Variants in CACNG1 observed in about 807,000 individuals in gnomAD.
CACNG1 encodes the protein calcium voltage-gated channel auxiliary subunit gamma 1.
A neutral mutation model predicts 22.0 loss-of-function variants in CACNG1; 21 were observed. The ratio of observed to expected loss-of-function variants is 0.95; its 90% confidence interval spans 0.68 to 1.37. CACNG1 has a LOEUF of 1.37. Ranked by LOEUF, CACNG1 falls within the 40% of genes most tolerant of loss-of-function variation. The pLI is 0.00. For missense variants in CACNG1, 291 were observed against 308.6 expected (o/e 0.94, Z 0.43); for synonymous variants, 127 against 129.2 (o/e 0.98, Z 0.12).
intron 1 of CACNG1, among the ~76,000 whole-genome samples, chr17:67,046,500 A>G (rs9903282): frequency 0.034 from 5,130 of 152,162 alleles, 154 homozygotes; most frequent in African/African-American, 0.079. Flanking sequence ...CAGAAGACTC[A>G]TAAGTGCCCA....
chr17:67,052,533 T>C (rs11079678), intron 1 of CACNG1, among the ~76,000 whole-genome samples: 41,145 of 152,090 alleles, frequency 0.27, 7,149 homozygotes, highest in East Asian at 0.65. Flanking sequence ...CTTATGAGCA[T>C]CTAAATGAAG....
At position 67,054,264 on chromosome 17, in the gene CACNG1, C is replaced by A. The variant is rs1298088223; in HGVS notation, c.304+194C>A. Among the ~76,000 whole-genome samples, 1 of 152,230 alleles carries A rather than the reference C, an allele frequency of 6.6e-6. No homozygotes were observed. The highest frequency in any genetic ancestry group is 2.4e-5 in the African/African-American group (1 of 41,466). On this transcript the variant is annotated intron_variant, in intron 2 of 3. Coordinates refer to ENST00000226021, the MANE Select transcript of CACNG1 (RefSeq NM_000727.4). The surrounding 1 kb of genome is among the most constrained non-coding windows in gnomAD (Gnocchi z 4.6). Reference sequence around the variant, plus strand: ...AGGCAGCCGCCTTCCATCTCCAGGGCCCGGAGCTTCCACACCTCGGGGCCA... The same window carrying A: ...AGGCAGCCGCCTTCCATCTCCAGGGACCGGAGCTTCCACACCTCGGGGCCA...
intron 1 of CACNG1, among the ~76,000 whole-genome samples, chr17:67,053,744 G>A (rs540285471): frequency 6.6e-6 from 1 of 152,220 alleles, no homozygotes; most frequent in African/African-American, 2.4e-5. Flanking sequence ...CCCACAGGCC[G>A]TCTGCCCTGC....
intron 1 of CACNG1, among the ~76,000 whole-genome samples, chr17:67,046,315 C>G (rs751322472): frequency 2.0e-5 from 3 of 152,202 alleles, no homozygotes; most frequent in Non-Finnish European, 4.4e-5. Flanking sequence ...TTTTATCAGA[C>G]TAGGTGTTCC....
In CACNG1 at chr17:67,055,391, C is replaced by T. The variant is rs78733538; in HGVS notation, c.442+151C>T. ...GGGGCAAACCTGGCCAGGCCATCAGCGACTCCAGGTGGGTTGGAGGGAGAC... is the reference window on the plus strand; with the variant it reads ...GGGGCAAACCTGGCCAGGCCATCAGTGACTCCAGGTGGGTTGGAGGGAGAC... On this transcript the variant is annotated intron_variant, in intron 3 of 3. Coordinates refer to ENST00000226021, the MANE Select transcript of CACNG1 (RefSeq NM_000727.4). This position sits in a 1 kb window ranked among gnomAD's most constrained non-coding sequence, Gnocchi z 4.5. 911 of 866,628 alleles carry T rather than the reference C, an allele frequency of 1.1e-3. 12 individuals are homozygous for T. In the African/African-American group the frequency reaches 0.014, roughly 13 times the overall value. The allele number at this position is 866,628 out of a possible 1,614,324, so 53.7% of individuals were successfully genotyped here.
rs2035762934 is a variant in CACNG1, at chr17:67,056,447, C to A, written c.*176C>A. Reference sequence around the variant, plus strand: ...AGTTCCTCTGGGCTGCCGCAGGCTCCCCTGGGAATAGAGCAAGACGTGAGT... The same window carrying A: ...AGTTCCTCTGGGCTGCCGCAGGCTCACCTGGGAATAGAGCAAGACGTGAGT... On this transcript the variant is annotated 3_prime_UTR_variant, in exon 4 of 4. Transcript: ENST00000226021. The surrounding 1 kb of genome is among the most constrained non-coding windows in gnomAD (Gnocchi z 4.3). 3.2e-6 allele frequency: 2 copies of A among 615,910 alleles called. No homozygotes were observed. The highest frequency in any genetic ancestry group is 5.7e-6 in the Non-Finnish European group (2 of 350,784). 38.2% of individuals were successfully genotyped at this position (615,910 alleles called of 1,614,324 possible).
rs775696968 is a variant in CACNG1 at position 67,055,777 on chromosome 17, C to T, written c.443-268C>T. ...CTGGTCTCAAACTCCTGGCCTCAAG[C>T]GATCCTCCTGCCTCAGCCTCCCAAA... On this transcript the variant is annotated intron_variant, in intron 3 of 3. Coordinates refer to ENST00000226021, the MANE Select transcript of CACNG1 (RefSeq NM_000727.4). The surrounding 1 kb of genome is among the most constrained non-coding windows in gnomAD (Gnocchi z 4.5). 7.2e-4 allele frequency among the ~76,000 whole-genome samples: 110 copies of T among 151,980 alleles called. 1 individual carries two copies. Among genetic ancestry groups the T allele is most frequent in the Non-Finnish European group, 2.5e-4 (17 of 67,972 alleles).
intron 1 of CACNG1, among the ~76,000 whole-genome samples, chr17:67,050,459 G>A (rs773749093): frequency 6.6e-6 from 1 of 152,226 alleles, no homozygotes; most frequent in South Asian, 2.1e-4. Context: ...TTACCAAAAG[G>A]CTAAAAACAA....
rs545795746 is a variant in CACNG1 at position 67,044,949 on chromosome 17, G to T, written c.229+60G>T. ...CCTGCTCTTCCCCGTCATCCCCCTG[G>T]CAAAGTTGCCCTTGCGAAGGAAGGC... On this transcript the variant is annotated intron_variant, in intron 1 of 3. Transcript: ENST00000226021. The surrounding 1 kb of genome is among the most constrained non-coding windows in gnomAD (Gnocchi z 6.9). 2.6e-5 allele frequency: 37 copies of T among 1,427,894 alleles called. No individual in the cohort carries two copies. The South Asian group carries it at 4.3e-4, about 16-fold the overall frequency. The allele number at this position is 1,427,894 out of a possible 1,614,324, so 88.5% of individuals were successfully genotyped here.
rs901309888 is a variant in CACNG1 at position 67,054,670 on chromosome 17, AGACGCACAGAGACACT to A, written c.305-429_305-414del. Among the ~76,000 whole-genome samples the A allele has an allele frequency of 4.7e-5, 7 of 148,288 alleles. No homozygotes were observed. The highest frequency in any genetic ancestry group is 1.7e-4 in the African/African-American group (7 of 40,764). On this transcript the variant is annotated intron_variant, in intron 2 of 3. Coordinates refer to ENST00000226021, the MANE Select transcript of CACNG1 (RefSeq NM_000727.4). This position sits in a 1 kb window ranked among gnomAD's most constrained non-coding sequence, Gnocchi z 4.6. Reference sequence around the variant, plus strand: ...CACACACACGACACACACAAGACACAGACGCACAGAGACACTGACACACACGCATGATGACACACAA... The same window carrying A: ...CACACACACGACACACACAAGACACAGACACACACGCATGATGACACACAA...
rs80024812 is a variant in CACNG1, at chr17:67,048,326, C to CAA, written c.229+3446_229+3447dup. ...TCCCTACCAAAAAAAAAAAAAAAAA[C>CAA]AAAAAAAAAACCCCACAAAATATCC... is the stretch of plus-strand genomic sequence containing the variant. On this transcript the variant is annotated intron_variant, in intron 1 of 3. Transcript: ENST00000226021. Among the ~76,000 whole-genome samples the CAA allele has an allele frequency of 2.3e-5, 3 of 133,220 alleles. No individual in the cohort carries two copies. The South Asian group carries it at 6.9e-4, about 31-fold the overall frequency. 87.4% of individuals were successfully genotyped at this position (133,220 alleles called of 152,430 possible).
intron 1 of CACNG1, among the ~76,000 whole-genome samples, chr17:67,048,637 A>G (rs2035711411): frequency 6.6e-6 from 1 of 152,228 alleles, no homozygotes; most frequent in Admixed American, 6.5e-5. Flanking sequence ...TAAATCAGCT[A>G]TAGTAAATAT....
At position 67,054,973 on chromosome 17, in the gene CACNG1, C is replaced by T. The variant is rs1204282294; in HGVS notation, c.305-130C>T. 3.4e-6 allele frequency: 3 copies of T among 889,562 alleles called. No individual in the cohort carries two copies. The African/African-American group carries it at 5.3e-5, about 16-fold the overall frequency. 55.1% of individuals were successfully genotyped at this position (889,562 alleles called of 1,614,324 possible). On this transcript the variant is annotated intron_variant, in intron 2 of 3. Coordinates refer to ENST00000226021, the MANE Select transcript of CACNG1 (RefSeq NM_000727.4). This position sits in a 1 kb window ranked among gnomAD's most constrained non-coding sequence, Gnocchi z 4.6. The stretch of plus-strand genomic sequence containing the variant: ...CACACAAGACAGACACAGAGACACA[C>T]ACTTGACACACACACAATGACACAC...
chr17:67,056,007 G>A lies in CACNG1; in HGVS notation c.443-38G>A, dbSNP rs564381868. On this transcript the variant is annotated intron_variant, in intron 3 of 3. Transcript: ENST00000226021. This position sits in a 1 kb window ranked among gnomAD's most constrained non-coding sequence, Gnocchi z 4.3. Reference sequence around the variant, plus strand: ...GATGGGGCTGGTGGCTACGGCAGACGCCCCTCGGTCCCTGAGCATGCCTGG... The same window carrying A: ...GATGGGGCTGGTGGCTACGGCAGACACCCCTCGGTCCCTGAGCATGCCTGG... The A allele has an allele frequency of 4.5e-6, 7 of 1,551,342 alleles. No individual in the cohort carries two copies. The highest frequency in any genetic ancestry group is 4.5e-5 in the East Asian group (2 of 44,522).
chr17:67,053,900 T>G, intron 1 of CACNG1, 96 bp from the exon 2 acceptor site: 1 of 856,714 alleles, frequency 1.2e-6, no homozygotes, highest in Non-Finnish European at 2.0e-6. Context: ...CAGAGCCCCC[T>G]GCATGCCGAG....
At chr17:67,046,398 C>T (rs1292257555) in intron 1 of CACNG1, among the ~76,000 whole-genome samples, 1 of 152,136 alleles carries the variant, frequency 6.6e-6, no homozygotes, top group Admixed American at 6.5e-5. Context: ...AGGCAAAGAG[C>T]ACAGACCCCA....
chr17:67,050,094 T>A (rs2035719879), intron 1 of CACNG1, among the ~76,000 whole-genome samples: 1 of 152,258 alleles, frequency 6.6e-6, no homozygotes, highest in Admixed American at 6.5e-5. Context: ...GGTGAAGTGC[T>A]GCTTCTTTCA....
chr17:67,052,849 A>G (rs773898394), intron 1 of CACNG1, among the ~76,000 whole-genome samples: 1 of 151,160 alleles, frequency 6.6e-6, no homozygotes, highest in Non-Finnish European at 1.5e-5. Context: ...ACCTCAGCTC[A>G]CTGCAACCTC....
At chr17:67,049,558 T>C (rs368913639) in intron 1 of CACNG1, among the ~76,000 whole-genome samples, 1 of 152,078 alleles carries the variant, frequency 6.6e-6, no homozygotes, top group Non-Finnish European at 1.5e-5. Flanking sequence ...AGGTGGTTCC[T>C]ATTCTACAGG....
Sources: allele counts gnomAD v4.1 joint callset (sites outside exome capture counted in the v4.1 genomes callset), GRCh38; gene constraint gnomAD v4.1.1; non-coding constraint Gnocchi (gnomAD v3.1); transcripts MANE v1.5; gene names NCBI Gene and HGNC (gene_info 2026-07-23, HGNC 2026-07-21).